The following HMCN1 variants were observed in gnomAD, a reference collection of about 807,000 sequenced individuals.
HMCN1 encodes hemicentin 1, also known as hemicentin-1.
Under a neutral mutation model 625.9 loss-of-function variants are expected in HMCN1, and 321 were observed. That is an observed-to-expected ratio of 0.51 (90% CI 0.47 to 0.56). The LOEUF is 0.56. HMCN1 is among the 20% of genes least tolerant of loss of function. The pLI is 0.00. For missense variants in HMCN1, 6,588 were observed against 6,887.3 expected, an observed-to-expected ratio of 0.96 and a Z score of 1.54; for synonymous variants, 2,425 against 2,417.6, an observed-to-expected ratio of 1.00 and a Z score of -0.09.
At chr1:185,852,674 A>T (rs1278891240) in intron 2 of HMCN1, among the ~76,000 whole-genome samples, 1 of 151,324 alleles carries the variant, frequency 6.6e-6, no homozygotes, top group Non-Finnish European at 1.5e-5. Flanking sequence ...AAGTATGATA[A>T]GGCATTTAAC....
At chr1:186,050,163 TGAGAAAAAAAA>T (rs988546942) in intron 42 of HMCN1, among the ~76,000 whole-genome samples, 7 of 151,234 alleles carry the variant, frequency 4.6e-5, no homozygotes, top group Admixed American at 2.0e-4. Context: ...CAAGTAAAGA[TGAGAAAAAAAA>T]GAGAGAAAAA....
In HMCN1 at chr1:185,995,050, A is replaced by G. The variant is rs1652692814; in HGVS notation, c.3741A>G (p.Ala1247=). The G allele has an allele frequency of 7.4e-6, 12 of 1,613,690 alleles. No homozygotes were observed. Among genetic ancestry groups the G allele is most frequent in the African/African-American group, 1.3e-5 (1 of 74,898 alleles). Residue 1247 remains alanine (A), a synonymous_variant, in exon 24 of 107, where the codon GCA becomes GCG. Coordinates refer to ENST00000271588, the MANE Select transcript of HMCN1 (RefSeq NM_031935.3). ...ATACATGTGTTGCTACTAACATAGC[A>G]GGCACTGATGAAACAGAGATAACGC... ...GIYTCVATNI[A]GTDETEITLH...
At chr1:185,812,195 G>T (rs1659563810) in intron 1 of HMCN1, among the ~76,000 whole-genome samples, 1 of 151,890 alleles carries the variant, frequency 6.6e-6, no homozygotes, top group African/African-American at 2.4e-5. Flanking sequence ...GAAGCAGATT[G>T]CTTCTGTGGC....
In HMCN1 at chr1:186,189,633, G is replaced by A; in HGVS notation, c.16663G>A (p.Val5555Ile). The A allele has an allele frequency of 6.2e-7, 1 of 1,612,884 alleles. No individual in the cohort carries two copies. The highest frequency in any genetic ancestry group is 1.7e-4 in the Middle Eastern group (1 of 6,054). Residue 5555 changes from valine to isoleucine, a missense_variant, in exon 107 of 107, where the codon GTT becomes ATT. Val to Ile is a conservative substitution (Grantham distance 29). Coordinates refer to ENST00000271588, the MANE Select transcript of HMCN1 (RefSeq NM_031935.3). ...IATNQDLIRLVAYTQDGVMHP... is the reference protein window; with the variant it reads ...IATNQDLIRLIAYTQDGVMHP... ...CACCAATCAAGATTTAATCCGGCTG[G>A]TTGCATACACACAGGATGGAGTGAT... is the stretch of plus-strand genomic sequence containing the variant.
intron 48 of HMCN1, among the ~76,000 whole-genome samples, chr1:186,063,066 G>GAATATATA (rs1491400415): frequency 2.0e-4 from 6 of 29,936 alleles, no homozygotes; most frequent in East Asian, 1.1e-3. Context: ...GTGTGTGTGT[G>GAATATATA]CATATATATA....
intron 97 of HMCN1, among the ~76,000 whole-genome samples, chr1:186,156,072 C>T (rs59379268): frequency 0.086 from 13,136 of 152,130 alleles, 1,546 homozygotes; most frequent in African/African-American, 0.27. Flanking sequence ...AACTCACTAA[C>T]ATAAGTCAGT....
At chr1:185,778,744 A>G (rs1391916532) in intron 1 of HMCN1, among the ~76,000 whole-genome samples, 2 of 152,084 alleles carry the variant, frequency 1.3e-5, no homozygotes, top group African/African-American at 4.8e-5. Context: ...CCAATCTATC[A>G]TTGATGGACA....
rs762054878 is a variant in HMCN1 at position 186,145,451 on chromosome 1, C to T, written c.14315C>T (p.Thr4772Met). ...PWSGWGTCSR[T>M]CNGGQMRRYR... is the part of the protein sequence containing the mutation. ...AGTGGCTGGGGAACATGCAGCCGGA[C>T]GTGTAACGGAGGGCAGATGCGGCGG... is the stretch of plus-strand genomic sequence containing the variant. Residue 4772 changes from threonine to methionine, a missense_variant, in exon 92 of 107, where the codon ACG (threonine) becomes ATG (methionine). Around this residue, in one of 3 missense-constraint regions of HMCN1, gnomAD observed 1,954 missense variants for 2,013.1 expected, o/e 0.97. Transcript: ENST00000271588. 2.9e-5 allele frequency: 47 copies of T among 1,603,680 alleles called. No homozygotes were observed. The highest frequency in any genetic ancestry group is 4.0e-5 in the African/African-American group (3 of 74,654).
chr1:186,139,730 A>C (rs887544742), intron 89 of HMCN1, among the ~76,000 whole-genome samples: 3 of 152,096 alleles, frequency 2.0e-5, no homozygotes, highest in African/African-American at 7.2e-5. Flanking sequence ...TCTTCCCAAT[A>C]AGAGCATGTA....
intron 1 of HMCN1, among the ~76,000 whole-genome samples, chr1:185,778,634 TG>T (rs759234749): frequency 1.3e-5 from 2 of 152,068 alleles, no homozygotes; most frequent in African/African-American, 2.4e-5. Flanking sequence ...CTGAGAATGA[TG>T]GTTTCCAGTT....
In HMCN1 at chr1:185,888,146, G is replaced by A. The variant is rs1165954733; in HGVS notation, c.622-21191G>A. On this transcript the variant is annotated intron_variant, in intron 4 of 106. Coordinates refer to ENST00000271588, the MANE Select transcript of HMCN1 (RefSeq NM_031935.3). ...TGTTCATGTCCTTCGCCCACTTTTT[G>A]ATGGGGTTGTTTGTTTTTTTCTTGT... Among the ~76,000 whole-genome samples the A allele has an allele frequency of 3.3e-5, 4 of 122,076 alleles. No homozygotes were observed. The East Asian group carries it at 8.6e-4, about 26-fold the overall frequency. 80.1% of individuals were successfully genotyped at this position (122,076 alleles called of 152,430 possible).
At chr1:185,887,103 C>CT (rs952259385) in intron 4 of HMCN1, among the ~76,000 whole-genome samples, 7 of 152,042 alleles carry the variant, frequency 4.6e-5, no homozygotes, top group Non-Finnish European at 8.8e-5. Context: ...CAAGGGTCAT[C>CT]TTTTGTCCCT....
chr1:186,138,606 T>C (rs1048686118), intron 89 of HMCN1, among the ~76,000 whole-genome samples: 1 of 152,330 alleles, frequency 6.6e-6, no homozygotes, highest in South Asian at 2.1e-4. Flanking sequence ...CTTTATTCTC[T>C]ATTAAACTCT....
chr1:186,040,996 G>T lies in HMCN1; in HGVS notation c.6181-17G>T, dbSNP rs150061349. ...CTCAGAGACATATTGGTTATTTAGC[G>T]TTCTTACCATTGATAGGTTCTCTCT... On this transcript the variant is annotated splice_polypyrimidine_tract_variant and intron_variant, in intron 39 of 106. Transcript: ENST00000271588. The T allele has an allele frequency of 6.2e-7, 1 of 1,611,726 alleles. No individual in the cohort carries two copies. Among genetic ancestry groups the T allele is most frequent in the African/African-American group, 1.3e-5 (1 of 74,790 alleles).
rs561936793 is a variant in HMCN1 at position 185,785,594 on chromosome 1, C to T, written c.268+50547C>T. Among the ~76,000 whole-genome samples the T allele has an allele frequency of 5.3e-5, 8 of 152,230 alleles. No homozygotes were observed. In the East Asian group the frequency reaches 7.7e-4, roughly 15 times the overall value. ...ATAATTCAGCATCCTTCTCTTCACC[C>T]ATGTTTTATATATATTTCTCAAAGC... On this transcript the variant is annotated intron_variant, in intron 1 of 106. Transcript: ENST00000271588.
At position 185,977,875 on chromosome 1, in the gene HMCN1, A is replaced by G; in HGVS notation, c.2460A>G (p.Pro820=). 2 of 1,612,594 alleles carry G rather than the reference A, an allele frequency of 1.2e-6. No individual in the cohort carries two copies. Among genetic ancestry groups the G allele is most frequent in the African/African-American group, 1.3e-5 (1 of 74,998 alleles). The change falls in exon 16 of 107, where the codon CCA becomes CCG. Residue 820 remains proline (P), a synonymous_variant. Coordinates refer to ENST00000271588, the MANE Select transcript of HMCN1 (RefSeq NM_031935.3). The part of the protein sequence containing the change: ...VTLPCYVQGY[P]EPTIKWRRLD... The stretch of plus-strand genomic sequence containing the variant: ...TACCTTGTTATGTTCAGGGTTATCC[A>G]GAACCAACAATCAAATGGCGAAGAT...
intron 1 of HMCN1, among the ~76,000 whole-genome samples, chr1:185,843,045 CCAAA>C (rs1399594958): frequency 6.6e-6 from 1 of 152,126 alleles, no homozygotes; most frequent in African/African-American, 2.4e-5. Context: ...GGGGATTGAA[CCAAA>C]CAATCTTTAA....
At chr1:185,996,360 C>T (rs148032350) in intron 24 of HMCN1, among the ~76,000 whole-genome samples, 1 of 152,212 alleles carries the variant, frequency 6.6e-6, no homozygotes, top group Non-Finnish European at 1.5e-5. Context: ...ACACTGGGAT[C>T]AGTCATCAAT....
chr1:186,146,096 C>G (rs1018061397), intron 93 of HMCN1, among the ~76,000 whole-genome samples, 173 bp downstream of exon 93: 2 of 151,568 alleles, frequency 1.3e-5, no homozygotes, highest in East Asian at 1.9e-4. Flanking sequence ...AGGCTGGGTT[C>G]TAGCCTCTAT....
Sources: gnomAD v4.1 joint callset for allele counts (sites outside exome capture counted in the v4.1 genomes callset) on GRCh38, gnomAD v4.1.1 for gene constraint, gnomAD v4.1.1 regional missense constraint, MANE v1.5 for transcripts, NCBI Gene and HGNC (gene_info 2026-07-23, HGNC 2026-07-21) for gene names.